Variants in GRID2 observed in about 807,000 individuals in gnomAD.
GRID2 encodes glutamate receptor ionotropic, delta-2.
A neutral mutation model predicts 114.8 loss-of-function variants in GRID2; 33 were observed. That is an observed-to-expected ratio of 0.29 (90% confidence interval 0.22 to 0.38). GRID2 has a LOEUF of 0.38. Ranked by LOEUF, GRID2 falls within the 10% of genes least tolerant of loss-of-function variation. The pLI is 1.00. For missense variants in GRID2, 1,184 were observed against 1,257.7 expected, an observed-to-expected ratio of 0.94 and a Z score of 0.89; for synonymous variants, 505 against 449.9, an observed-to-expected ratio of 1.12 and a Z score of -1.55.
At chr4:93,420,432 G>A (rs1170527116) in intron 9 of GRID2, among the ~76,000 whole-genome samples, 2 of 152,070 alleles carry the variant, frequency 1.3e-5, no homozygotes, top group South Asian at 2.1e-4. Flanking sequence ...ATGAGATGTC[G>A]CAAATTCTGC....
At chr4:93,318,928 G>C (rs1756953694) in intron 8 of GRID2, 2 of 152,210 alleles carry the variant, frequency 1.3e-5, no homozygotes. Context: ...GTAATATGCT[G>C]ATAAATATGT....
intron 11 of GRID2, among the ~76,000 whole-genome samples, chr4:93,472,358 T>G (rs1724925501): frequency 6.6e-6 from 1 of 152,040 alleles, no homozygotes; most frequent in Non-Finnish European, 1.5e-5. Flanking sequence ...GCAGATGATC[T>G]CTCAGGGTAT....
intron 7 of GRID2, among the ~76,000 whole-genome samples, chr4:93,230,640 C>T (rs1404145637): frequency 1.3e-5 from 2 of 151,918 alleles, no homozygotes; most frequent in Admixed American, 6.6e-5. Flanking sequence ...CTAAGTGTTG[C>T]GTAGCTAATT....
chr4:92,750,270 A>G (rs184203305), intron 2 of GRID2, among the ~76,000 whole-genome samples: 383 of 152,300 alleles, frequency 2.5e-3, no homozygotes, highest in South Asian at 5.0e-3. Flanking sequence ...ATCTGTTACT[A>G]TCTCATTCAG....
intron 14 of GRID2, among the ~76,000 whole-genome samples, chr4:93,746,166 C>A (rs1203845131): frequency 1.3e-5 from 2 of 152,056 alleles, no homozygotes; most frequent in African/African-American, 2.4e-5. Context: ...GTTCATGTGT[C>A]ATAAAAATTA....
chr4:92,403,695 A>ATAG (rs1730898521), intron 1 of GRID2, among the ~76,000 whole-genome samples: 1 of 15,908 alleles, frequency 6.3e-5, no homozygotes, highest in Non-Finnish European at 1.1e-4. Flanking sequence ...CCATCTCAAA[A>ATAG]ATAAATAAAT....
intron 9 of GRID2, among the ~76,000 whole-genome samples, chr4:93,409,597 G>GCA (rs1347642175): frequency 6.6e-6 from 1 of 151,956 alleles, no homozygotes; most frequent in Non-Finnish European, 1.5e-5. Context: ...AAAGCAACAG[G>GCA]CACACACACA....
chr4:93,067,942 C>T (rs571070068), intron 2 of GRID2, among the ~76,000 whole-genome samples: 70 of 151,984 alleles, frequency 4.6e-4, no homozygotes, highest in African/African-American at 1.5e-3. Context: ...TAAAATATTT[C>T]ACCTGTATTT....
At chr4:93,257,390 A>G (rs915534075) in intron 8 of GRID2, among the ~76,000 whole-genome samples, 4 of 151,878 alleles carry the variant, frequency 2.6e-5, no homozygotes, top group African/African-American at 4.8e-5. Flanking sequence ...TTAAGATACC[A>G]TTCAGTAGAA....
intron 1 of GRID2, among the ~76,000 whole-genome samples, chr4:92,365,813 T>G (rs1020776628): frequency 4.6e-5 from 7 of 152,036 alleles, no homozygotes; most frequent in Non-Finnish European, 8.8e-5. Flanking sequence ...CAGCATATAA[T>G]AGTGCTTAAG....
chr4:93,362,840 T>C (rs1432778735), intron 8 of GRID2, among the ~76,000 whole-genome samples: 1 of 152,172 alleles, frequency 6.6e-6, no homozygotes, highest in Non-Finnish European at 1.5e-5. Flanking sequence ...CTTATGAGTG[T>C]ACTCTTACAC....
chr4:92,913,737 G>A (rs184626693), intron 2 of GRID2, among the ~76,000 whole-genome samples: 80 of 151,972 alleles, frequency 5.3e-4, no homozygotes, highest in African/African-American at 1.8e-3. Context: ...AGAGAAAATT[G>A]TCTGTATGTT....
chr4:93,481,608 C>T (rs1045717728), intron 11 of GRID2, among the ~76,000 whole-genome samples: 13 of 152,172 alleles, frequency 8.5e-5, no homozygotes, highest in African/African-American at 3.1e-4. Flanking sequence ...ACTATTATTG[C>T]CATGGCCTTG....
chr4:92,904,785 G>T (rs943684347), intron 2 of GRID2, among the ~76,000 whole-genome samples: 1 of 151,958 alleles, frequency 6.6e-6, no homozygotes. Flanking sequence ...ATACATTTAT[G>T]AATTACAGAG....
chr4:93,023,405 C>A (rs377433718), intron 2 of GRID2, among the ~76,000 whole-genome samples: 2 of 151,906 alleles, frequency 1.3e-5, no homozygotes, highest in South Asian at 4.1e-4. Context: ...AGAAGCTCTG[C>A]AATAAGGAAA....
chr4:92,319,654 A>G (rs560095680), intron 1 of GRID2, among the ~76,000 whole-genome samples: 15 of 152,322 alleles, frequency 9.8e-5, no homozygotes, highest in African/African-American at 3.1e-4. Flanking sequence ...TCCTGTCTGG[A>G]CAAAGCAGAG....
intron 1 of GRID2, among the ~76,000 whole-genome samples, chr4:93,780,968 A>G (rs1472158743): frequency 6.6e-6 from 1 of 152,250 alleles, no homozygotes; most frequent in Admixed American, 6.5e-5. Context: ...GAGCGTAGAT[A>G]GGTATTGAAG....
chr4:93,019,157 A>C (rs1282796922), intron 2 of GRID2, among the ~76,000 whole-genome samples: 1 of 152,250 alleles, frequency 6.6e-6, no homozygotes, highest in East Asian at 1.9e-4. Context: ...AGGATCTAAA[A>C]GTCTCCATGA....
chr4:93,103,237 C>T (rs540002512), intron 3 of GRID2, among the ~76,000 whole-genome samples: 3 of 152,160 alleles, frequency 2.0e-5, no homozygotes, highest in Admixed American at 6.5e-5. Context: ...TGCAGGTCTT[C>T]GCTGAGACTG....
Sources: allele counts gnomAD v4.1 joint callset (sites outside exome capture counted in the v4.1 genomes callset), GRCh38; gene constraint gnomAD v4.1.1; transcripts MANE v1.5; gene names NCBI Gene and HGNC (gene_info 2026-07-23, HGNC 2026-07-21).